Variants in KCNIP4 observed in about 807,000 individuals in gnomAD.
The protein encoded by KCNIP4 is Kv channel-interacting protein 4.
Under a neutral mutation model 34.0 loss-of-function variants are expected in KCNIP4, and 12 were observed. The observed-to-expected ratio is 0.35, with a 90% confidence interval of 0.23 to 0.57. KCNIP4 has a LOEUF of 0.57. KCNIP4 is among the 20% of genes least tolerant of loss of function. The pLI is 0.83. For missense variants in KCNIP4, 238 were observed against 311.7 expected (o/e 0.76, Z 1.78); for synonymous variants, 124 against 102.2 (o/e 1.21, Z -1.29).
At chr4:21,783,847 G>T (rs1400456192) in intron 1 of KCNIP4, among the ~76,000 whole-genome samples, 3 of 151,898 alleles carry the variant, frequency 2.0e-5, no homozygotes, top group African/African-American at 7.3e-5. Flanking sequence ...CATCAGTTTT[G>T]CACATATCAA....
intron 1 of KCNIP4, among the ~76,000 whole-genome samples, chr4:21,407,637 T>C (rs1029666061): frequency 4.6e-5 from 7 of 152,212 alleles, no homozygotes; most frequent in African/African-American, 1.7e-4. Context: ...TAAGCTAGAA[T>C]TGGTATCAGT....
intron 1 of KCNIP4, among the ~76,000 whole-genome samples, chr4:21,936,212 G>A (rs767193175): frequency 5.3e-5 from 8 of 152,034 alleles, no homozygotes; most frequent in Admixed American, 1.3e-4. Context: ...ATTCCCACAC[G>A]GAACTCACTG....
chr4:21,394,375 ACC>A (rs1722803591), intron 1 of KCNIP4, among the ~76,000 whole-genome samples: 1 of 152,048 alleles, frequency 6.6e-6, no homozygotes, highest in African/African-American at 2.4e-5. Context: ...GATAGACACA[ACC>A]TCAGAGTAGT....
intron 1 of KCNIP4, among the ~76,000 whole-genome samples, chr4:21,139,934 A>C (rs974098724): frequency 2.7e-5 from 4 of 149,710 alleles, no homozygotes; most frequent in African/African-American, 5.1e-5. Flanking sequence ...TTTTAACCCC[A>C]GAGTCCACAT....
intron 1 of KCNIP4, among the ~76,000 whole-genome samples, chr4:21,820,273 ATGTG>A (rs201520758): frequency 2.8e-4 from 13 of 46,004 alleles, no homozygotes; most frequent in East Asian, 2.8e-3. Context: ...TATCTTATGT[ATGTG>A]TGTGTGTGTA....
intron 1 of KCNIP4, among the ~76,000 whole-genome samples, chr4:21,093,967 A>T (rs1415414180): frequency 6.6e-6 from 1 of 152,092 alleles, no homozygotes; most frequent in Non-Finnish European, 1.5e-5. Context: ...CTGTAGTCCC[A>T]GCTACTCAGG....
intron 3 of KCNIP4, among the ~76,000 whole-genome samples, chr4:20,781,158 T>C (rs1227657464): frequency 5.3e-5 from 8 of 152,204 alleles, no homozygotes; most frequent in African/African-American, 1.2e-4. Context: ...AGAGCATTAT[T>C]TTAAAGACCA....
chr4:21,109,211 C>G (rs1225188999), intron 1 of KCNIP4, among the ~76,000 whole-genome samples: 1 of 129,808 alleles, frequency 7.7e-6, no homozygotes, highest in South Asian at 2.5e-4. Context: ...GAGGTGGAGC[C>G]TACAGAGGCA....
intron 1 of KCNIP4, among the ~76,000 whole-genome samples, chr4:21,693,390 G>A (rs1021174468): frequency 3.1e-4 from 47 of 152,054 alleles, no homozygotes; most frequent in Admixed American, 1.9e-3. Context: ...GCGAAACCTC[G>A]TCTCTAGTAA....
At chr4:21,075,585 C>T (rs1201466415) in intron 1 of KCNIP4, among the ~76,000 whole-genome samples, 1 of 152,072 alleles carries the variant, frequency 6.6e-6, no homozygotes, top group African/African-American at 2.4e-5. Context: ...AGTCTTGACT[C>T]TTTATCCAAT....
chr4:21,933,315 C>A (rs1170041198), intron 1 of KCNIP4, among the ~76,000 whole-genome samples: 6 of 151,992 alleles, frequency 3.9e-5, no homozygotes, highest in Non-Finnish European at 7.4e-5. Flanking sequence ...AGACTCTTAG[C>A]CATCTGGACC....
At chr4:21,072,886 C>T (rs1283515694) in intron 1 of KCNIP4, among the ~76,000 whole-genome samples, 3 of 152,136 alleles carry the variant, frequency 2.0e-5, no homozygotes, top group Non-Finnish European at 4.4e-5. Context: ...TTCCCAGCAC[C>T]ATTTATTAAA....
At chr4:21,946,471 G>T (rs1730517033) in intron 1 of KCNIP4, among the ~76,000 whole-genome samples, 1 of 152,162 alleles carries the variant, frequency 6.6e-6, no homozygotes, top group Admixed American at 6.5e-5. Flanking sequence ...AAAAATGGAA[G>T]ACAGAGTTTA....
intron 1 of KCNIP4, among the ~76,000 whole-genome samples, chr4:21,465,781 T>G: frequency 6.6e-6 from 1 of 152,130 alleles, no homozygotes; most frequent in East Asian, 1.9e-4. Flanking sequence ...AGTGGTAGCT[T>G]AAAACATGCA....
intron 2 of KCNIP4, among the ~76,000 whole-genome samples, chr4:20,860,125 C>CT (rs888172911): frequency 4.3e-4 from 65 of 149,692 alleles, no homozygotes; most frequent in East Asian, 1.2e-3. Flanking sequence ...GGTCCCATTT[C>CT]TTTTTTTTTT....
intron 1 of KCNIP4, among the ~76,000 whole-genome samples, chr4:21,889,079 G>A (rs1726944189): frequency 6.6e-6 from 1 of 152,110 alleles, no homozygotes; most frequent in Admixed American, 6.6e-5. Flanking sequence ...ACGTGAATGA[G>A]TGTAAGAAAA....
chr4:20,984,957 A>G (rs1224618566), intron 1 of KCNIP4, among the ~76,000 whole-genome samples: 1 of 152,186 alleles, frequency 6.6e-6, no homozygotes, highest in Non-Finnish European at 1.5e-5. Context: ...TGTGGACAGC[A>G]CCATCGCAAA....
Position 20,728,918 on chromosome 4 carries a change from A to ATAGATGAT in KCNIP4, c.*1163_*1164insATCATCTA, listed in dbSNP as rs1553880904. The stretch of plus-strand genomic sequence containing the variant: ...TGGCAACTTTACAGTTTTGGCTAAG[A>ATAGATGAT]TGATTAAAAATAATCTGAATTATGA... On this transcript the variant is annotated 3_prime_UTR_variant, in exon 9 of 9. Coordinates refer to ENST00000382152, the MANE Select transcript of KCNIP4 (RefSeq NM_025221.6). 2 of 152,030 alleles carry ATAGATGAT rather than the reference A, an allele frequency of 1.3e-5. No homozygotes were observed. Among genetic ancestry groups the ATAGATGAT allele is most frequent in the Non-Finnish European group, 2.9e-5 (2 of 67,952 alleles). 9.4% of individuals were successfully genotyped at this position (152,030 alleles called of 1,614,324 possible). A position where few individuals can be genotyped will look rare whatever the true frequency, so the allele number is the denominator to read the frequency against.
intron 1 of KCNIP4, among the ~76,000 whole-genome samples, chr4:21,717,855 G>C (rs1225932642): frequency 6.6e-6 from 1 of 151,956 alleles, no homozygotes; most frequent in African/African-American, 2.4e-5. Flanking sequence ...ATCTGTGATC[G>C]TCACTTTTCT....
Sources: allele counts gnomAD v4.1 joint callset (sites outside exome capture counted in the v4.1 genomes callset), GRCh38; gene constraint gnomAD v4.1.1; transcripts MANE v1.5; gene names NCBI Gene and HGNC (gene_info 2026-07-23, HGNC 2026-07-21).